The following KCNQ1 variants were observed in gnomAD, a reference collection of about 807,000 sequenced individuals.
KCNQ1 encodes potassium voltage-gated channel subfamily KQT member 1.
A neutral mutation model predicts 72.4 loss-of-function variants in KCNQ1; 49 were observed. The observed-to-expected ratio is 0.68, with a 90% CI of 0.54 to 0.86. The LOEUF (loss-of-function observed/expected upper bound fraction) is 0.86. Among genes scored for constraint, KCNQ1 ranks in the 40% least tolerant of loss-of-function variants. The probability of loss-of-function intolerance (pLI) is 0.00; values close to 1 mark genes in which losing one functional copy is unlikely to be tolerated. For missense variants in KCNQ1, 790 were observed against 945.1 expected (o/e 0.84, Z 2.15); for synonymous variants, 450 against 412.6 (o/e 1.09, Z -1.10).
chr11:2,701,220 G>GT (rs967496685), intron 11 of KCNQ1, among the ~76,000 whole-genome samples: 8 of 152,200 alleles, frequency 5.3e-5, no homozygotes, highest in African/African-American at 1.7e-4. Context: ...CGGGTTGGGG[G>GT]TTTTGTTGTT....
At chr11:2,637,772 T>C (rs1297722992) in intron 10 of KCNQ1, 2 of 152,252 alleles carry the variant, frequency 1.3e-5, no homozygotes, top group African/African-American at 2.4e-5. Context: ...TTGTCTAATG[T>C]TAACAGTGGG....
At chr11:2,648,668 T>C (rs1259448527) in intron 10 of KCNQ1, 6 of 398,560 alleles carry the variant, frequency 1.5e-5, no homozygotes, top group South Asian at 2.5e-4. Context: ...TAAAAATTTA[T>C]TGAGACCCGT....
chr11:2,664,877 CATAA>C lies in KCNQ1; in HGVS notation c.1514+2802_1514+2805del, dbSNP rs1384018977. 1.8e-5 allele frequency: 7 copies of C among 398,542 alleles called. No homozygotes were observed. Among genetic ancestry groups the C allele is most frequent in the East Asian group, 1.4e-4 (4 of 28,090 alleles). 24.7% of individuals were successfully genotyped at this position (398,542 alleles called of 1,614,324 possible). On this transcript the variant is annotated intron_variant, in intron 11 of 15. Transcript: ENST00000155840. The surrounding 1 kb of genome is among the most constrained non-coding windows in gnomAD (Gnocchi z 5.1). ...CCAGTTCCAGAATTCAAATTAAAAA[CATAA>C]ATAAAGACACATTTTGTTTCCATCT... is the stretch of plus-strand genomic sequence containing the variant.
At chr11:2,556,873 CAT>C (rs1848078192) in intron 2 of KCNQ1, among the ~76,000 whole-genome samples, 1 of 152,194 alleles carries the variant, frequency 6.6e-6, no homozygotes, top group African/African-American at 2.4e-5. Context: ...ACATGGATAA[CAT>C]GTGGCTCAAC....
chr11:2,806,715 A>G (rs147514231), intron 15 of KCNQ1, among the ~76,000 whole-genome samples: 15 of 152,200 alleles, frequency 9.9e-5, no homozygotes, highest in African/African-American at 3.6e-4. Context: ...GCTCAGCTGT[A>G]CCAGACCACT....
chr11:2,562,121 G>A lies in KCNQ1; in HGVS notation c.478-8507G>A, dbSNP rs1848177825. Among the ~76,000 whole-genome samples the A allele has an allele frequency of 6.6e-6, 1 of 151,600 alleles. No individual in the cohort carries two copies. On this transcript the variant is annotated intron_variant, in intron 2 of 15. Transcript: ENST00000155840. The surrounding 1 kb of genome is among the most constrained non-coding windows in gnomAD (Gnocchi z 7.5). ...CTGTGCCACCCTCAGCCCAGTGGATGGTGCATCTCACCTGGGCCTGGCCGG... is the reference window on the plus strand; with the variant it reads ...CTGTGCCACCCTCAGCCCAGTGGATAGTGCATCTCACCTGGGCCTGGCCGG...
rs1032643271 is a variant in KCNQ1, at chr11:2,507,840, G to A, written c.387-20088G>A. Among the ~76,000 whole-genome samples, 9 of 152,180 alleles carry A rather than the reference G, an allele frequency of 5.9e-5. No homozygotes were observed. The East Asian group carries it at 1.7e-3, about 29-fold the overall frequency. On this transcript the variant is annotated intron_variant, in intron 1 of 15. Transcript: ENST00000155840. The surrounding 1 kb of genome is among the most constrained non-coding windows in gnomAD (Gnocchi z 5.4). ...GGCAGCTGTGGAGGCTGAGGGCAAG[G>A]AAGGCAAGTCCGGGAGGTTGGGTGT... is the stretch of plus-strand genomic sequence containing the variant.
At chr11:2,633,590 C>G (rs1589993763) in intron 10 of KCNQ1, 1 of 398,332 alleles carries the variant, frequency 2.5e-6, no homozygotes, top group Non-Finnish European at 4.4e-6. Context: ...ATATGATATC[C>G]TGTTTTCCCA....
At position 2,498,437 on chromosome 11, in the gene KCNQ1, T is replaced by A. The variant is rs1450659927; in HGVS notation, c.387-29491T>A. The stretch of plus-strand genomic sequence containing the variant: ...TCTGGCCTCAGCTGCTTTGCTGTGC[T>A]TTGGTGAATTCTGCCCAGTCCAAGC... On this transcript the variant is annotated intron_variant, in intron 1 of 15. Coordinates refer to ENST00000155840, the MANE Select transcript of KCNQ1 (RefSeq NM_000218.3). This position sits in a 1 kb window ranked among gnomAD's most constrained non-coding sequence, Gnocchi z 4.8. Among the ~76,000 whole-genome samples the A allele has an allele frequency of 6.6e-6, 1 of 152,232 alleles. No homozygotes were observed. The highest frequency in any genetic ancestry group is 1.5e-5 in the Non-Finnish European group (1 of 68,044).
chr11:2,456,967 C>CA (rs1415456378), intron 1 of KCNQ1, among the ~76,000 whole-genome samples: 1 of 135,954 alleles, frequency 7.4e-6, no homozygotes, highest in South Asian at 2.3e-4. Context: ...AAAAAAAAAC[C>CA]CAAAAAAACA....
At position 2,550,881 on chromosome 11, in the gene KCNQ1, AG is replaced by A. The variant is rs530516812; in HGVS notation, c.478-19739del. On this transcript the variant is annotated intron_variant, in intron 2 of 15. Coordinates refer to ENST00000155840, the MANE Select transcript of KCNQ1 (RefSeq NM_000218.3). The surrounding 1 kb of genome is among the most constrained non-coding windows in gnomAD (Gnocchi z 6.0). Reference sequence around the variant, plus strand: ...GGGTGCCTGGGGAGGCTGCCAAGTGAGGGGGGGGCACAGACTGAGACAGGGT... The same window carrying A: ...GGGTGCCTGGGGAGGCTGCCAAGTGAGGGGGGGCACAGACTGAGACAGGGT... Among the ~76,000 whole-genome samples, 193 of 150,418 alleles carry A rather than the reference AG, an allele frequency of 1.3e-3. 1 individual carries two copies. The highest frequency in any genetic ancestry group is 2.2e-3 in the Admixed American group (33 of 15,106).
intron 15 of KCNQ1, among the ~76,000 whole-genome samples, chr11:2,779,826 G>A (rs930004385): frequency 6.6e-6 from 1 of 152,218 alleles, no homozygotes; most frequent in Non-Finnish European, 1.5e-5. Context: ...GTCGGTGTGG[G>A]GGCCTGCAGA....
chr11:2,714,245 G>A (rs1851052382), intron 11 of KCNQ1, among the ~76,000 whole-genome samples: 1 of 152,206 alleles, frequency 6.6e-6, no homozygotes, highest in South Asian at 2.1e-4. Context: ...GGGGGGGTTG[G>A]GCCTCACCTC....
chr11:2,633,295 T>A, intron 10 of KCNQ1: 1 of 398,546 alleles, frequency 2.5e-6, no homozygotes, highest in East Asian at 3.6e-5. Context: ...TAATCCCTTG[T>A]CAGATGAATA....
At chr11:2,796,103 G>A (rs1312083640) in intron 15 of KCNQ1, among the ~76,000 whole-genome samples, 4 of 152,352 alleles carry the variant, frequency 2.6e-5, no homozygotes, top group East Asian at 1.9e-4. Context: ...GAACCGACAC[G>A]TGTGAAACCA....
At chr11:2,775,277 T>C (rs1846671857) in intron 12 of KCNQ1, among the ~76,000 whole-genome samples, 1 of 152,218 alleles carries the variant, frequency 6.6e-6, no homozygotes. Flanking sequence ...AGATGTCACC[T>C]GAGTCCCACT....
intron 11 of KCNQ1, among the ~76,000 whole-genome samples, chr11:2,719,499 A>C (rs1021392728): frequency 6.6e-6 from 1 of 151,284 alleles, no homozygotes; most frequent in Non-Finnish European, 1.5e-5. Context: ...AAACAAACAA[A>C]CAAAAAAAAA....
In KCNQ1 at chr11:2,781,839, C is replaced by A. The variant is rs1021397346; in HGVS notation, c.1794+3802C>A. Among the ~76,000 whole-genome samples the A allele has an allele frequency of 6.6e-5, 10 of 152,156 alleles. No individual in the cohort carries two copies. Among genetic ancestry groups the A allele is most frequent in the African/African-American group, 2.4e-4 (10 of 41,414 alleles). ...AGGGGAGTCCTGGGTTTCCATGCCG[C>A]AGTTCAGAAAGCGTTGGGCGGGAAG... On this transcript the variant is annotated intron_variant, in intron 15 of 15. Transcript: ENST00000155840. The surrounding 1 kb of genome is among the most constrained non-coding windows in gnomAD (Gnocchi z 6.6).
At chr11:2,506,059 G>A (rs1285546288) in intron 1 of KCNQ1, among the ~76,000 whole-genome samples, 2 of 152,172 alleles carry the variant, frequency 1.3e-5, no homozygotes, top group African/African-American at 4.8e-5. Context: ...AAGAAAATCA[G>A]TCCAGCAGGG....
Sources: allele counts gnomAD v4.1 joint callset (sites outside exome capture counted in the v4.1 genomes callset), GRCh38; gene constraint gnomAD v4.1.1; non-coding constraint Gnocchi (gnomAD v3.1); transcripts MANE v1.5; gene names NCBI Gene and HGNC (gene_info 2026-07-23, HGNC 2026-07-21).